Variants in HPSE observed in about 807,000 individuals in gnomAD.
The protein encoded by HPSE is endo-glucoronidase.
HPSE carries 48 observed loss-of-function variants against 65.1 expected under a neutral mutation model. The observed-to-expected ratio is 0.74, with a 90% CI of 0.58 to 0.94. The LOEUF is 0.94. Ranked by LOEUF, HPSE falls within the 40% of genes least tolerant of loss-of-function variation. The pLI is 0.00. For missense variants in HPSE, 644 were observed against 637.5 expected, an observed-to-expected ratio of 1.01 and a Z score of -0.11; for synonymous variants, 243 against 260.0, an observed-to-expected ratio of 0.93 and a Z score of 0.63.
intron 1 of HPSE, among the ~76,000 whole-genome samples, chr4:83,328,128 T>C (rs986349823): frequency 2.0e-5 from 3 of 152,228 alleles, no homozygotes; most frequent in Admixed American, 6.5e-5. Flanking sequence ...CTGTATTAGT[T>C]TGTTAGGGCT....
chr4:83,310,680 A>C, intron 5 of HPSE, 42 bp downstream of exon 5: 1 of 1,561,978 alleles, frequency 6.4e-7, no homozygotes, highest in Non-Finnish European at 8.7e-7. Context: ...TCAAAAGGAA[A>C]AAGAAGAAAA....
chr4:83,320,925 G>GT (rs139779716), intron 2 of HPSE, among the ~76,000 whole-genome samples: 21,508 of 152,250 alleles, frequency 0.14, 1,628 homozygotes, highest in Admixed American at 0.18. Flanking sequence ...ACTAGGTTGG[G>GT]TGTGGTGGCT....
intron 3 of HPSE, among the ~76,000 whole-genome samples, chr4:83,316,120 G>A (rs1248388400): frequency 1.3e-5 from 2 of 151,448 alleles, no homozygotes. Flanking sequence ...TCCACCTCCC[G>A]GGTTCAAGTG....
At chr4:83,313,345 G>A in intron 3 of HPSE, 58 bp from the exon 4 acceptor site, 1 of 1,146,744 alleles carries the variant, frequency 8.7e-7, no homozygotes, top group Non-Finnish European at 1.2e-6. Context: ...AAGGCCTCCA[G>A]ATTCGCTTTT....
chr4:83,313,212 A>AG lies in HPSE; in HGVS notation c.574_575insC (p.Leu192SerfsTer12), dbSNP rs756487336. 2 of 1,613,956 alleles carry AG rather than the reference A, an allele frequency of 1.2e-6. No individual in the cohort carries two copies. Among genetic ancestry groups the AG allele is most frequent in the Non-Finnish European group, 1.7e-6 (2 of 1,179,868 alleles). On this transcript the variant is annotated frameshift_variant, in exon 4 of 12. Transcript: ENST00000311412. LOFTEE classifies it high-confidence loss of function. The stretch of plus-strand genomic sequence containing the variant: ...GTTCCACTGCAAATCTGCTGTTCTT[A>AG]ATAACGCATTTAGGCCAAAGATCAA...
intron 1 of HPSE, among the ~76,000 whole-genome samples, chr4:83,322,880 G>C (rs1736980374): frequency 6.7e-6 from 1 of 149,468 alleles, no homozygotes; most frequent in African/African-American, 2.5e-5. Flanking sequence ...TGCCCAGGCT[G>C]GTCTCAAACT....
chr4:83,335,098 G>T (rs1428037928), upstream of HPSE: 3 of 292,802 alleles, frequency 1.0e-5, no homozygotes, highest in Non-Finnish European at 1.9e-5. Context: ...GGATCCAAGC[G>T]CCCGGGAGGC....
In HPSE at chr4:83,295,222, C is replaced by T; in HGVS notation, c.*122G>A. 1 of 710,478 alleles carries T rather than the reference C, an allele frequency of 1.4e-6. No individual in the cohort carries two copies. The highest frequency in any genetic ancestry group is 2.3e-6 in the Non-Finnish European group (1 of 427,348). The allele number at this position is 710,478 out of a possible 1,614,324, so 44.0% of individuals were successfully genotyped here. ...TGCTAAATCTAGCACTGACAGTGTCCCAGTGTCTCTCAAGCACCCACTAGT... is the reference window on the plus strand; with the variant it reads ...TGCTAAATCTAGCACTGACAGTGTCTCAGTGTCTCTCAAGCACCCACTAGT... On this transcript the variant is annotated 3_prime_UTR_variant, in exon 12 of 12. Coordinates refer to ENST00000311412, the MANE Select transcript of HPSE (RefSeq NM_001098540.3).
chr4:83,329,552 G>A (rs1297612523), intron 1 of HPSE, among the ~76,000 whole-genome samples: 2 of 152,060 alleles, frequency 1.3e-5, no homozygotes, highest in Non-Finnish European at 2.9e-5. Flanking sequence ...GCTATGGTCT[G>A]GCTCTCAGAA....
chr4:83,307,922 A>G (rs1355289993), intron 8 of HPSE, among the ~76,000 whole-genome samples: 1 of 152,198 alleles, frequency 6.6e-6, no homozygotes, highest in Non-Finnish European at 1.5e-5. Context: ...TTTTAAAGCA[A>G]TCAAGTTTGT....
chr4:83,295,304 T>G lies in HPSE; in HGVS notation c.*40A>C, dbSNP rs1453108249. Reference sequence around the variant, plus strand: ...AACTTGAGTTGCTTTACTCTTAGTATACTTGAAAAATTCAGTGTCAGGACT... The same window carrying G: ...AACTTGAGTTGCTTTACTCTTAGTAGACTTGAAAAATTCAGTGTCAGGACT... On this transcript the variant is annotated 3_prime_UTR_variant, in exon 12 of 12. Transcript: ENST00000311412. 1.3e-6 allele frequency: 2 copies of G among 1,546,870 alleles called. No homozygotes were observed. Among genetic ancestry groups the G allele is most frequent in the East Asian group, 2.3e-5 (1 of 44,070 alleles).
Position 83,293,632 on chromosome 4 carries a change from T to C in HPSE, c.*1712A>G, listed in dbSNP as rs1196746718. 6.6e-6 allele frequency: 1 copy of C among 152,268 alleles called. No homozygotes were observed. The highest frequency in any genetic ancestry group is 1.5e-5 in the Non-Finnish European group (1 of 68,044). 9.4% of individuals were successfully genotyped at this position (152,268 alleles called of 1,614,324 possible). A position where few individuals can be genotyped will look rare whatever the true frequency, so the allele number is the denominator to read the frequency against. ...AAGAAAGGTAGAGAAAAAGCAAGCA[T>C]TAACAGACAGTTATAAGGTATTGGG... On this transcript the variant is annotated 3_prime_UTR_variant, in exon 12 of 12. Coordinates refer to ENST00000311412, the MANE Select transcript of HPSE (RefSeq NM_001098540.3).
Position 83,295,404 on chromosome 4 carries a change from C to A in HPSE, c.1572G>T (p.Leu524Phe), listed in dbSNP as rs2126180255. 6.2e-7 allele frequency: 1 copy of A among 1,613,106 alleles called. No individual in the cohort carries two copies. Among genetic ancestry groups the A allele is most frequent in the Non-Finnish European group, 8.5e-7 (1 of 1,179,424 alleles). The change falls in exon 12 of 12, where the codon TTG becomes TTT. Residue 524 changes from leucine (L) to phenylalanine (F), a missense_variant. Coordinates refer to ENST00000311412, the MANE Select transcript of HPSE (RefSeq NM_001098540.3). The stretch of plus-strand genomic sequence containing the variant: ...CAAAAAAACTATATGAGAAAGCTGG[C>A]AAGCCCAGTGAACTTCCTGGCCGGA... ...KPLRPGSSLG[L>F]PAFSYSFFVI...
rs1302013479 is a variant in HPSE at position 83,319,486 on chromosome 4, T to A, written c.374-17A>T. 6.2e-7 allele frequency: 1 copy of A among 1,612,188 alleles called. No individual in the cohort carries two copies. The highest frequency in any genetic ancestry group is 1.3e-5 in the African/African-American group (1 of 74,930). On this transcript the variant is annotated splice_polypyrimidine_tract_variant and intron_variant, in intron 2 of 11. Transcript: ENST00000311412. ...TGCAAATATCTGCAAGTGGAAGAGA[T>A]CATTTAGAAGGTCTGTTTTCACAGT... is the stretch of plus-strand genomic sequence containing the variant.
At chr4:83,302,385 G>A (rs1384766032) in intron 9 of HPSE, 117 bp from the exon 10 acceptor site, 3 of 655,320 alleles carry the variant, frequency 4.6e-6, no homozygotes, top group African/African-American at 3.7e-5. Context: ...GTTATCCTGG[G>A]GGCATTTAAA....
At chr4:83,310,966 G>T in intron 4 of HPSE, 76 bp from the exon 5 acceptor site, 1 of 1,182,598 alleles carries the variant, frequency 8.5e-7, no homozygotes, top group South Asian at 1.5e-5. Flanking sequence ...GTATTTAAAA[G>T]CAACAAAACA....
At chr4:83,319,281 G>T in intron 3 of HPSE, 63 bp downstream of exon 3, 1 of 1,541,048 alleles carries the variant, frequency 6.5e-7, no homozygotes, top group Non-Finnish European at 8.9e-7. Context: ...ATTGGTGCCC[G>T]AGTCCAACCT....
intron 3 of HPSE, among the ~76,000 whole-genome samples, chr4:83,313,808 C>T (rs1314554285): frequency 2.0e-5 from 3 of 152,114 alleles, no homozygotes; most frequent in Non-Finnish European, 2.9e-5. Context: ...GGTTTCCAAA[C>T]TCTGTGCAAG....
intron 11 of HPSE, among the ~76,000 whole-genome samples, chr4:83,296,232 T>A (rs2126180664): frequency 6.6e-6 from 1 of 152,342 alleles, no homozygotes; most frequent in South Asian, 2.1e-4. Context: ...CAGGAGCGAA[T>A]CAATATAGGC....
Sources: gnomAD v4.1 joint callset for allele counts (sites outside exome capture counted in the v4.1 genomes callset) on GRCh38, gnomAD v4.1.1 for gene constraint, MANE v1.5 for transcripts, NCBI Gene and HGNC (gene_info 2026-07-23, HGNC 2026-07-21) for gene names.